Variants in TMEM62 observed in about 807,000 individuals in gnomAD.
TMEM62 encodes the protein transmembrane protein 62.
A neutral mutation model predicts 70.4 loss-of-function variants in TMEM62; 41 were observed. That is an observed-to-expected ratio of 0.58 (90% CI 0.45 to 0.76). TMEM62 has a LOEUF of 0.76. Among genes scored for constraint, TMEM62 ranks in the 30% least tolerant of loss-of-function variants. The pLI is 0.00. For missense variants in TMEM62, 688 were observed against 788.5 expected (o/e 0.87, Z 1.53); for synonymous variants, 268 against 291.0 (o/e 0.92, Z 0.80).
At chr15:43,168,135 C>T (rs1299139887) in intron 10 of TMEM62, among the ~76,000 whole-genome samples, 2 of 102,474 alleles carry the variant, frequency 2.0e-5, no homozygotes, top group East Asian at 3.5e-4. Context: ...AGAGGGAGAC[C>T]GTGGGGAGAG....
intron 3 of TMEM62, among the ~76,000 whole-genome samples, chr15:43,137,303 A>T (rs556627144): frequency 1.3e-5 from 2 of 152,362 alleles, no homozygotes; most frequent in East Asian, 3.9e-4. Flanking sequence ...TCACATGATT[A>T]AGACAAGAGC....
rs1567167187 is a variant in TMEM62 at position 43,133,788 on chromosome 15, C to CGGCG, written c.-5_-2dup. 3 of 1,354,352 alleles carry CGGCG rather than the reference C, an allele frequency of 2.2e-6. No individual in the cohort carries two copies. Among genetic ancestry groups the CGGCG allele is most frequent in the Non-Finnish European group, 1.9e-6 (2 of 1,062,546 alleles). 83.9% of individuals were successfully genotyped at this position (1,354,352 alleles called of 1,614,324 possible). A position where few individuals can be genotyped will look rare whatever the true frequency, so the allele number is the denominator to read the frequency against. ...CGCGGGATCAGCGAGGGCCGCGCCC[C>CGGCG]GGCGGGCGGGCGGCATGGCTGCAGT... is the stretch of plus-strand genomic sequence containing the variant. On this transcript the variant is annotated 5_prime_UTR_variant, in exon 1 of 14. Coordinates refer to ENST00000260403, the MANE Select transcript of TMEM62 (RefSeq NM_024956.4).
chr15:43,151,185 A>AAAATAG, intron 7 of TMEM62, among the ~76,000 whole-genome samples: 1 of 152,262 alleles, frequency 6.6e-6, no homozygotes, highest in South Asian at 2.1e-4. Flanking sequence ...ATCTCTGCTA[A>AAAATAG]AAATAGCCAG....
In TMEM62 at chr15:43,133,780, C is replaced by A; in HGVS notation, c.-23C>A. 1 of 1,347,944 alleles carries A rather than the reference C, an allele frequency of 7.4e-7. No homozygotes were observed. The highest frequency in any genetic ancestry group is 9.4e-7 in the Non-Finnish European group (1 of 1,058,822). The allele number at this position is 1,347,944 out of a possible 1,614,324, so 83.5% of individuals were successfully genotyped here. A position where few individuals can be genotyped will look rare whatever the true frequency, so the allele number is the denominator to read the frequency against. ...CGGTCCTGCGCGGGATCAGCGAGGG[C>A]CGCGCCCCGGCGGGCGGGCGGCATG... On this transcript the variant is annotated 5_prime_UTR_variant, in exon 1 of 14. Coordinates refer to ENST00000260403, the MANE Select transcript of TMEM62 (RefSeq NM_024956.4).
rs2041736046 is a variant in TMEM62, at chr15:43,184,721, T to C, written c.*135T>C. Reference sequence around the variant, plus strand: ...GGGAGCAGCTGCTCGTTTGGAGTCCTGGACGTTGGAGGGATTACCCACTAC... The same window carrying C: ...GGGAGCAGCTGCTCGTTTGGAGTCCCGGACGTTGGAGGGATTACCCACTAC... On this transcript the variant is annotated 3_prime_UTR_variant, in exon 14 of 14. Transcript: ENST00000260403. 6.8e-6 allele frequency: 5 copies of C among 739,262 alleles called. No individual in the cohort carries two copies. Among genetic ancestry groups the C allele is most frequent in the Non-Finnish European group, 1.1e-5 (5 of 457,820 alleles). The allele number at this position is 739,262 out of a possible 1,614,324, so 45.8% of individuals were successfully genotyped here.
Position 43,151,783 on chromosome 15 carries a change from T to C in TMEM62, c.867-7T>C. On this transcript the variant is annotated splice_region_variant and splice_polypyrimidine_tract_variant and intron_variant, in intron 7 of 13. Transcript: ENST00000260403. ...ACTAAATTACCTTATCATTATCTGG[T>C]CTTTAGGTACCGGATTTTTGCTTTT... 1.9e-6 allele frequency: 3 copies of C among 1,612,864 alleles called. No individual in the cohort carries two copies. Among genetic ancestry groups the C allele is most frequent in the Non-Finnish European group, 2.5e-6 (3 of 1,179,450 alleles).
rs760099366 is a variant in TMEM62, at chr15:43,138,624, T to C, written c.476+5T>C. The C allele has an allele frequency of 3.8e-6, 6 of 1,598,430 alleles. No homozygotes were observed. The highest frequency in any genetic ancestry group is 2.2e-5 in the East Asian group (1 of 44,802). ...CAGCATCAAGAATTATTACAGGTAC[T>C]GTAATAAACAGAAGACAGACCACTA... On this transcript the variant is annotated splice_donor_5th_base_variant and intron_variant, in intron 4 of 13. Coordinates refer to ENST00000260403, the MANE Select transcript of TMEM62 (RefSeq NM_024956.4).
In TMEM62 at chr15:43,134,295, C is replaced by A; in HGVS notation, c.219C>A (p.Gly73=). 2 of 1,614,220 alleles carry A rather than the reference C, an allele frequency of 1.2e-6. No homozygotes were observed. The highest frequency in any genetic ancestry group is 1.7e-6 in the Non-Finnish European group (2 of 1,180,040). ...DIHLSRFRDP[G]RAVDLEKFCS... ...ACCTGAGCAGGTTTCGAGATCCAGGCAGAGCGGTAGACTTAGAGAAATTCT... is the reference window on the plus strand; with the variant it reads ...ACCTGAGCAGGTTTCGAGATCCAGGAAGAGCGGTAGACTTAGAGAAATTCT... The change falls in exon 2 of 14, where the codon GGC becomes GGA. Residue 73 remains glycine, a synonymous_variant. Transcript: ENST00000260403.
chr15:43,181,306 A>T lies in TMEM62; in HGVS notation c.1605+7A>T. 1 of 1,565,902 alleles carries T rather than the reference A, an allele frequency of 6.4e-7. No individual in the cohort carries two copies. On this transcript the variant is annotated splice_region_variant and intron_variant, in intron 13 of 13. Coordinates refer to ENST00000260403, the MANE Select transcript of TMEM62 (RefSeq NM_024956.4). ...TATAATTGGAATTCTCCAGGTAAGA[A>T]GTCAGAAAAGCAATTTAAGAACATC... is the stretch of plus-strand genomic sequence containing the variant.
chr15:43,155,094 T>A (rs2037880018), intron 9 of TMEM62, among the ~76,000 whole-genome samples: 1 of 152,112 alleles, frequency 6.6e-6, no homozygotes, highest in African/African-American at 2.4e-5. Context: ...CTGGGCACAG[T>A]GGCATGTGCC....
intron 11 of TMEM62, among the ~76,000 whole-genome samples, chr15:43,177,061 G>A (rs2040835140): frequency 6.6e-6 from 1 of 152,088 alleles, no homozygotes; most frequent in Admixed American, 6.5e-5. Flanking sequence ...AGGAGCCGAT[G>A]CGATCAACTG....
At chr15:43,157,733 G>C (rs951634197) in intron 9 of TMEM62, among the ~76,000 whole-genome samples, 4 of 151,982 alleles carry the variant, frequency 2.6e-5, no homozygotes, top group Non-Finnish European at 5.9e-5. Context: ...AAAATATAAG[G>C]ACTGTTTTTT....
rs768110059 is a variant in TMEM62 at position 43,160,832 on chromosome 15, C to T, written c.1296+38C>T. The T allele has an allele frequency of 1.0e-5, 13 of 1,270,408 alleles. No individual in the cohort carries two copies. In the African/African-American group the frequency reaches 1.3e-4, roughly 13 times the overall value. The allele number at this position is 1,270,408 out of a possible 1,614,324, so 78.7% of individuals were successfully genotyped here. On this transcript the variant is annotated intron_variant, in intron 10 of 13. Coordinates refer to ENST00000260403, the MANE Select transcript of TMEM62 (RefSeq NM_024956.4). ...AATTAAATATTACATATGTTAAATG[C>T]AGAGTCCTAAATAATATACAGTAGT...
At chr15:43,151,335 A>G (rs1229871296) in intron 7 of TMEM62, among the ~76,000 whole-genome samples, 2 of 151,518 alleles carry the variant, frequency 1.3e-5, no homozygotes, top group African/African-American at 4.8e-5. Flanking sequence ...AAAAAAAAAA[A>G]AAGAAAGAAA....
At chr15:43,167,344 G>A (rs570840630) in intron 10 of TMEM62, among the ~76,000 whole-genome samples, 11 of 147,578 alleles carry the variant, frequency 7.5e-5, no homozygotes, top group Admixed American at 1.3e-4. Context: ...GCTGCCGGGC[G>A]GAGGGGCTCC....
chr15:43,180,344 A>T (rs1353407719), intron 12 of TMEM62, among the ~76,000 whole-genome samples: 1 of 152,196 alleles, frequency 6.6e-6, no homozygotes. Context: ...GCTGGTCTTG[A>T]ACTCCTGACC....
chr15:43,161,005 TTTA>T (rs1434344651), intron 10 of TMEM62, among the ~76,000 whole-genome samples: 1 of 152,136 alleles, frequency 6.6e-6, no homozygotes, highest in Non-Finnish European at 1.5e-5. Context: ...ATTGTTCTAT[TTTA>T]TTATTATTGT....
chr15:43,167,578 G>C (rs2039658439), intron 10 of TMEM62, among the ~76,000 whole-genome samples: 1 of 152,060 alleles, frequency 6.6e-6, no homozygotes, highest in South Asian at 2.1e-4. Context: ...CGGCCGGGAA[G>C]AGGCGCTCCT....
Position 43,153,085 on chromosome 15 carries a change from G to C in TMEM62, c.1022+1140G>C, listed in dbSNP as rs531877812. Among the ~76,000 whole-genome samples, 6 of 152,074 alleles carry C rather than the reference G, an allele frequency of 3.9e-5. No homozygotes were observed. The East Asian group carries it at 1.2e-3, about 29-fold the overall frequency. Reference sequence around the variant, plus strand: ...AACTTTTAAGGTTTTTCTTATTTGTGGATGAATATCTGGTACATATATATT... The same window carrying C: ...AACTTTTAAGGTTTTTCTTATTTGTCGATGAATATCTGGTACATATATATT... On this transcript the variant is annotated intron_variant, in intron 8 of 13. Transcript: ENST00000260403.
Sources: gnomAD v4.1 joint callset for allele counts (sites outside exome capture counted in the v4.1 genomes callset) on GRCh38, gnomAD v4.1.1 for gene constraint, MANE v1.5 for transcripts, NCBI Gene and HGNC (gene_info 2026-07-23, HGNC 2026-07-21) for gene names.